C16orf96: variants seen among roughly 807,000 people sequenced by gnomAD.
C16orf96 encodes uncharacterized protein C16orf96.
C16orf96 carries 108 observed loss-of-function variants against 103.6 expected under a neutral mutation model. The observed-to-expected ratio is 1.04, with a 90% CI of 0.89 to 1.22. C16orf96 has a LOEUF of 1.22. C16orf96 is among the 50% of genes most tolerant of loss of function. The pLI, the probability that C16orf96 is intolerant of heterozygous loss-of-function variation, is 0.00. For missense variants in C16orf96, 1,586 were observed against 1,464.2 expected, an observed-to-expected ratio of 1.08 and a Z score of -1.36; for synonymous variants, 566 against 593.5, an observed-to-expected ratio of 0.95 and a Z score of 0.67.
chr16:4,571,701 G>T (rs773449144), intron 2 of C16orf96, 36 bp downstream of exon 2: 8 of 1,493,886 alleles, frequency 5.4e-6, no homozygotes, highest in Middle Eastern at 1.7e-4. Flanking sequence ...TGCCAGCTGC[G>T]TTGCTCAGGC....
At chr16:4,543,955 T>TA in the C16orf96 span, among the ~76,000 whole-genome samples, 3 of 152,118 alleles carry the variant, frequency 2.0e-5, no homozygotes, top group Admixed American at 1.3e-4. Context: ...ATTCATGTTT[T>TA]AGACAAATCA....
rs1293493633 is a variant in C16orf96, at chr16:4,575,931, G to A, written c.1451G>A (p.Arg484His). The part of the protein sequence containing the change: ...RKDGAPKDRT[R>H]KDGVPKDRGG... ...GATGGGGCCCCCAAGGATAGAACTC[G>A]CAAGGATGGGGTCCCCAAAGATAGA... Residue 484 changes from arginine to histidine, a missense_variant, in exon 5 of 16, where the codon CGC becomes CAC. Coordinates refer to ENST00000444310, the MANE Select transcript of C16orf96 (RefSeq NM_001145011.2). 3.2e-6 allele frequency: 5 copies of A among 1,550,214 alleles called. No individual in the cohort carries two copies. The East Asian group carries it at 7.3e-5, about 23-fold the overall frequency.
In C16orf96 at chr16:4,581,532, C is replaced by G. The variant is rs1472096277; in HGVS notation, c.2352+1407C>G. On this transcript the variant is annotated intron_variant, in intron 7 of 15. Coordinates refer to ENST00000444310, the MANE Select transcript of C16orf96 (RefSeq NM_001145011.2). ...CCTGTAGTCCCAGCTACTCAGGAGGCTGAGGCAGGAGAATGGCATGAACCT... is the reference window on the plus strand; with the variant it reads ...CCTGTAGTCCCAGCTACTCAGGAGGGTGAGGCAGGAGAATGGCATGAACCT... Among the ~76,000 whole-genome samples, 3 of 151,064 alleles carry G rather than the reference C, an allele frequency of 2.0e-5. No individual in the cohort carries two copies. In the East Asian group the frequency reaches 5.9e-4, roughly 30 times the overall value.
intron 10 of C16orf96, among the ~76,000 whole-genome samples, 148 bp from the exon 11 acceptor site, chr16:4,592,148 AAACCACAAG>A (rs1390677232): frequency 1.3e-5 from 2 of 152,196 alleles, no homozygotes; most frequent in Non-Finnish European, 2.9e-5. Flanking sequence ...GGCGGCAGAG[AAACCACAAG>A]AGTGGTTGGA....
At chr16:4,581,221 G>GCTAC (rs1424024344) in intron 7 of C16orf96, among the ~76,000 whole-genome samples, 3 of 140,510 alleles carry the variant, frequency 2.1e-5, no homozygotes, top group African/African-American at 7.8e-5. Context: ...TGTAATCCCA[G>GCTAC]CTACCTGGGA....
chr16:4,572,560 C>T (rs997255052), intron 2 of C16orf96, among the ~76,000 whole-genome samples: 16 of 152,052 alleles, frequency 1.1e-4, no homozygotes, highest in African/African-American at 3.4e-4. Flanking sequence ...CTCAGCCTCC[C>T]AAAGTGCCAG....
At chr16:4,578,870 C>A in intron 5 of C16orf96, 70 bp from the exon 6 acceptor site, 1 of 1,201,688 alleles carries the variant, frequency 8.3e-7, no homozygotes, top group Admixed American at 2.0e-5. Flanking sequence ...ATAAGAGAAG[C>A]AGCTAGAGCC....
intron 9 of C16orf96, among the ~76,000 whole-genome samples, chr16:4,588,983 T>C (rs574280214): frequency 1.3e-5 from 2 of 152,212 alleles, no homozygotes; most frequent in African/African-American, 2.4e-5. Context: ...TCCAGTCTAC[T>C]ATGAGGAAGG....
Position 4,600,514 on chromosome 16 carries a change from C to T in C16orf96, c.*197C>T. ...GCCCCCCCCCATCCCTACCAAGTCCCCTCCACGTCCGAGGCTGAGACCCAT... is the reference window on the plus strand; with the variant it reads ...GCCCCCCCCCATCCCTACCAAGTCCTCTCCACGTCCGAGGCTGAGACCCAT... On this transcript the variant is annotated 3_prime_UTR_variant, in exon 16 of 16. Coordinates refer to ENST00000444310, the MANE Select transcript of C16orf96 (RefSeq NM_001145011.2). The T allele has an allele frequency of 2.1e-6, 1 of 481,118 alleles. No individual in the cohort carries two copies. Among genetic ancestry groups the T allele is most frequent in the Non-Finnish European group, 3.8e-6 (1 of 264,996 alleles). 29.8% of individuals were successfully genotyped at this position (481,118 alleles called of 1,614,324 possible).
the C16orf96 span, among the ~76,000 whole-genome samples, chr16:4,543,595 G>A: frequency 3.9e-5 from 6 of 152,158 alleles, no homozygotes; most frequent in Admixed American, 2.0e-4. Context: ...AAAGTGCTGC[G>A]ATTACAGGCA....
intron 7 of C16orf96, 124 bp downstream of exon 7, chr16:4,580,249 G>C (rs927409350): frequency 3.4e-5 from 22 of 641,956 alleles, no homozygotes; most frequent in Middle Eastern, 4.1e-4. Context: ...AACCAGTGGG[G>C]CTTTACTGGC....
At chr16:4,594,216 G>A in intron 12 of C16orf96, 135 bp from the exon 13 acceptor site, 1 of 1,034,548 alleles carries the variant, frequency 9.7e-7, no homozygotes, top group South Asian at 1.7e-5. Context: ...CCCCAGGCCT[G>A]CCTGGCTGTG....
At chr16:4,569,910 C>T (rs2059419313) in intron 1 of C16orf96, among the ~76,000 whole-genome samples, 1 of 152,080 alleles carries the variant, frequency 6.6e-6, no homozygotes, top group Admixed American at 6.6e-5. Flanking sequence ...AAAGCGTGCC[C>T]ATGGCCACTT....
chr16:4,558,595 G>C (rs556228373), intron 1 of C16orf96, among the ~76,000 whole-genome samples: 86 of 151,852 alleles, frequency 5.7e-4, no homozygotes, highest in Middle Eastern at 6.8e-3. Context: ...CTGGGGGACA[G>C]AGCAAGCCCC....
chr16:4,577,688 G>T (rs991258733), intron 5 of C16orf96, among the ~76,000 whole-genome samples: 5 of 152,146 alleles, frequency 3.3e-5, no homozygotes, highest in African/African-American at 1.2e-4. Flanking sequence ...GTGTGCGGTG[G>T]CTCACGCCTG....
rs1404683452 is a variant in C16orf96 at position 4,576,348 on chromosome 16, T to C, written c.1868T>C (p.Val623Ala). The change falls in exon 5 of 16, where the codon GTC (valine) becomes GCC (alanine). Residue 623 changes from valine to alanine, a missense_variant. Val to Ala is a moderately conservative substitution (Grantham distance 64). Coordinates refer to ENST00000444310, the MANE Select transcript of C16orf96 (RefSeq NM_001145011.2). ...GGGCCCCTAGGGGTCTTTGCAGATG[T>C]CCTGGGTGCAGGGCCTTCCCGGGGA... is the stretch of plus-strand genomic sequence containing the variant. Reference protein sequence around the residue: ...AAGPLGVFADVLGAGPSRGAT... With the variant: ...AAGPLGVFADALGAGPSRGAT... 4 of 1,550,726 alleles carry C rather than the reference T, an allele frequency of 2.6e-6. No individual in the cohort carries two copies. The highest frequency in any genetic ancestry group is 3.5e-6 in the Non-Finnish European group (4 of 1,146,992).
upstream of C16orf96, among the ~76,000 whole-genome samples, chr16:4,554,434 T>C (rs1180873912): frequency 4.6e-5 from 7 of 151,642 alleles, no homozygotes. Context: ...CACTGCAAGC[T>C]CCGCCTCCCA....
chr16:4,563,031 C>A, intron 1 of C16orf96: 1 of 959,340 alleles, frequency 1.0e-6, no homozygotes, highest in Non-Finnish European at 1.7e-6. Flanking sequence ...GCTGCTGCTC[C>A]TCTGTCAGAA....
chr16:4,549,301 C>T, the C16orf96 span, among the ~76,000 whole-genome samples: 3 of 151,806 alleles, frequency 2.0e-5, no homozygotes, highest in Admixed American at 6.6e-5. Context: ...GTTGAAACCC[C>T]GTCTCTACTA....
Sources: gnomAD v4.1 joint callset for allele counts (sites outside exome capture counted in the v4.1 genomes callset) on GRCh38, gnomAD v4.1.1 for gene constraint, MANE v1.5 for transcripts, NCBI Gene and HGNC (gene_info 2026-07-23, HGNC 2026-07-21) for gene names.